Variants in HTR1D observed in about 807,000 individuals in gnomAD.
The protein encoded by HTR1D is 5-hydroxytryptamine receptor 1D.
A neutral mutation model predicts 21.1 loss-of-function variants in HTR1D; 18 were observed. The observed-to-expected ratio is 0.85, with a 90% confidence interval of 0.59 to 1.27. The LOEUF (loss-of-function observed/expected upper bound fraction) is 1.27. HTR1D is among the 50% of genes most tolerant of loss of function. The probability of loss-of-function intolerance (pLI) is 0.00; values close to 1 mark genes in which losing one functional copy is unlikely to be tolerated. For synonymous variants in HTR1D, 196 were observed against 204.4 expected, an observed-to-expected ratio of 0.96 and a Z score of 0.35; for missense variants, 456 against 481.4, an observed-to-expected ratio of 0.95 and a Z score of 0.49.
intron 1 of HTR1D, among the ~76,000 whole-genome samples, chr1:23,206,324 C>G (rs183109143): frequency 6.6e-6 from 1 of 152,150 alleles, no homozygotes; most frequent in African/African-American, 2.4e-5. Flanking sequence ...GCCAACGCGC[C>G]GGGCCCAGAA....
intron 1 of HTR1D, among the ~76,000 whole-genome samples, chr1:23,205,995 C>T (rs995257748): frequency 1.3e-5 from 2 of 152,130 alleles, no homozygotes; most frequent in Non-Finnish European, 2.9e-5. Context: ...CAGCCTCTAC[C>T]CCTGGCTCCT....
At chr1:23,200,868 C>G (rs1184566934) in intron 1 of HTR1D, among the ~76,000 whole-genome samples, 1 of 152,142 alleles carries the variant, frequency 6.6e-6, no homozygotes, top group East Asian at 1.9e-4. Flanking sequence ...ACCCATTTTC[C>G]CAGGGGCCAT....
At chr1:23,209,849 A>G (rs986140271) in intron 1 of HTR1D, among the ~76,000 whole-genome samples, 1 of 152,082 alleles carries the variant, frequency 6.6e-6, no homozygotes, top group Admixed American at 6.6e-5. Context: ...CTTTCCACAA[A>G]TACCTACCCC....
intron 1 of HTR1D, among the ~76,000 whole-genome samples, chr1:23,203,861 G>T (rs554410779): frequency 6.6e-6 from 1 of 152,004 alleles, no homozygotes; most frequent in South Asian, 2.1e-4. Flanking sequence ...ACAGTAGAAC[G>T]GGGCCAGGCA....
Position 23,193,065 on chromosome 1 carries a change from AAG to A in HTR1D, c.*19_*20del. On this transcript the variant is annotated 3_prime_UTR_variant, in exon 2 of 2. Transcript: ENST00000374619. The stretch of plus-strand genomic sequence containing the variant: ...GAGGTTACAGGACACAAAAGATAAC[AAG>A]AGTCATCACCGAATAAGACTAGGAG... The A allele has an allele frequency of 6.5e-7, 1 of 1,537,916 alleles. No homozygotes were observed. The highest frequency in any genetic ancestry group is 2.3e-5 in the East Asian group (1 of 44,380).
intron 1 of HTR1D, among the ~76,000 whole-genome samples, chr1:23,198,326 A>G (rs894228456): frequency 3.5e-5 from 5 of 143,726 alleles, no homozygotes; most frequent in Non-Finnish European, 6.0e-5. Flanking sequence ...AGATCGCGCC[A>G]CTGCACTCCA....
At chr1:23,202,207 C>A (rs1352470646) in intron 1 of HTR1D, among the ~76,000 whole-genome samples, 1 of 152,094 alleles carries the variant, frequency 6.6e-6, no homozygotes, top group African/African-American at 2.4e-5. Context: ...ACCTATTCTC[C>A]TGCCTCAGCC....
At chr1:23,206,757 G>C (rs756572810) in intron 1 of HTR1D, among the ~76,000 whole-genome samples, 4 of 152,080 alleles carry the variant, frequency 2.6e-5, no homozygotes, top group Non-Finnish European at 5.9e-5. Flanking sequence ...CTGAGAGCCT[G>C]CCACCCTAGC....
intron 1 of HTR1D, among the ~76,000 whole-genome samples, chr1:23,212,018 G>C (rs1050361370): frequency 3.3e-5 from 5 of 151,940 alleles, no homozygotes; most frequent in African/African-American, 1.2e-4. Flanking sequence ...ACACAGCCCG[G>C]TCATTTCCTC....
rs1291843530 is a variant in HTR1D at position 23,193,391 on chromosome 1, C to T, written c.829G>A (p.Val277Met). 16 of 1,614,016 alleles carry T rather than the reference C, an allele frequency of 9.9e-6. No individual in the cohort carries two copies. Among genetic ancestry groups the T allele is most frequent in the Non-Finnish European group, 1.1e-5 (13 of 1,180,044 alleles). Reference sequence around the variant, plus strand: ...GCACTGTCAGCAAGCTTGATTTTCACGTGGTTGAAAAAGAGAGGGGAGCCA... The same window carrying T: ...GCACTGTCAGCAAGCTTGATTTTCATGTGGTTGAAAAAGAGAGGGGAGCCA... ...SAGSPLFFNHVKIKLADSALE... is the reference protein window; with the variant it reads ...SAGSPLFFNHMKIKLADSALE... Residue 277 changes from valine to methionine, a missense_variant, in exon 2 of 2, where the codon GTG (valine) becomes ATG (methionine). Transcript: ENST00000374619.
At chr1:23,202,441 C>T (rs1331331507) in intron 1 of HTR1D, among the ~76,000 whole-genome samples, 1 of 152,152 alleles carries the variant, frequency 6.6e-6, no homozygotes, top group Non-Finnish European at 1.5e-5. Flanking sequence ...CTTACAAAAG[C>T]TTCCTATCCA....
At chr1:23,212,192 C>T (rs532112847) in intron 1 of HTR1D, among the ~76,000 whole-genome samples, 22 of 152,272 alleles carry the variant, frequency 1.4e-4, no homozygotes, top group Admixed American at 1.3e-3. Context: ...GGGAAGTTTC[C>T]TGGTAACTAG....
chr1:23,201,067 A>T (rs1023281028), intron 1 of HTR1D, among the ~76,000 whole-genome samples: 1 of 152,174 alleles, frequency 6.6e-6, no homozygotes, highest in African/African-American at 2.4e-5. Context: ...AGCCTGTTCC[A>T]GAGACCACTT....
chr1:23,198,389 T>C (rs1249988928), intron 1 of HTR1D, among the ~76,000 whole-genome samples: 2 of 132,360 alleles, frequency 1.5e-5, no homozygotes, highest in East Asian at 4.4e-4. Flanking sequence ...AAAAAAAAAG[T>C]GTAGAGCAAT....
At chr1:23,212,292 T>C (rs143767214) in intron 1 of HTR1D, among the ~76,000 whole-genome samples, 91 of 152,298 alleles carry the variant, frequency 6.0e-4, no homozygotes, top group African/African-American at 2.1e-3. Context: ...AATCTCTTGC[T>C]TACCCCACCC....
chr1:23,193,721 T>A lies in HTR1D; in HGVS notation c.499A>T (p.Ile167Phe). ...TMIAIVWAIS[I>F]CISIPPLFWR... is the part of the protein sequence containing the mutation. ...AAGAGCGGGGGGATGGAGATGCAGA[T>A]GGAGATGGCCCAGACAATGGCGATC... Residue 167 changes from isoleucine (I) to phenylalanine (F), a missense_variant, in exon 2 of 2, where the codon ATC becomes TTC. By Grantham distance (21) the Ile-to-Phe change is conservative. Coordinates refer to ENST00000374619, the MANE Select transcript of HTR1D (RefSeq NM_000864.5). The A allele has an allele frequency of 6.2e-7, 1 of 1,614,064 alleles. No individual in the cohort carries two copies. The highest frequency in any genetic ancestry group is 8.5e-7 in the Non-Finnish European group (1 of 1,179,982).
intron 1 of HTR1D, among the ~76,000 whole-genome samples, chr1:23,206,644 G>T (rs187789393): frequency 2.0e-4 from 31 of 152,116 alleles, no homozygotes; most frequent in South Asian, 6.2e-4. Flanking sequence ...CAGTCCCCTG[G>T]CTACCTAATT....
chr1:23,210,223 A>G (rs910667891), intron 1 of HTR1D, among the ~76,000 whole-genome samples: 20 of 152,108 alleles, frequency 1.3e-4, no homozygotes, highest in Non-Finnish European at 1.6e-4. Flanking sequence ...GACTACAGGT[A>G]TGTGCCACCA....
At chr1:23,206,910 C>T (rs2148242380) in intron 1 of HTR1D, among the ~76,000 whole-genome samples, 1 of 152,324 alleles carries the variant, frequency 6.6e-6, no homozygotes, top group Non-Finnish European at 1.5e-5. Flanking sequence ...GGAATGGGCC[C>T]TGAGAACAGA....
Sources: gnomAD v4.1 joint callset for allele counts (sites outside exome capture counted in the v4.1 genomes callset) on GRCh38, gnomAD v4.1.1 for gene constraint, MANE v1.5 for transcripts, NCBI Gene and HGNC (gene_info 2026-07-23, HGNC 2026-07-21) for gene names.